CSMD1: variants seen among roughly 807,000 people sequenced by gnomAD.
The protein encoded by CSMD1 is CUB and sushi domain-containing protein 1.
Under a neutral mutation model 417.5 loss-of-function variants are expected in CSMD1, and 213 were observed. The observed-to-expected ratio is 0.51, with a 90% CI of 0.46 to 0.57. CSMD1 has a LOEUF of 0.57. Among genes scored for constraint, CSMD1 ranks in the 20% least tolerant of loss-of-function variants. The probability of loss-of-function intolerance (pLI) is 0.00; values close to 1 mark genes in which losing one functional copy is unlikely to be tolerated. For synonymous variants in CSMD1, 2,862 were observed against 1,736.8 expected, an observed-to-expected ratio of 1.65 and a Z score of -16.11; for missense variants, 6,923 against 4,529.7, an observed-to-expected ratio of 1.53 and a Z score of -15.17.
Position 4,102,453 on chromosome 8 carries a change from G to C in CSMD1, c.416-70354C>G, listed in dbSNP as rs375470612. Among the ~76,000 whole-genome samples, 233 of 152,232 alleles carry C rather than the reference G, an allele frequency of 1.5e-3. 1 individual carries two copies. The highest frequency in any genetic ancestry group is 5.5e-3 in the African/African-American group (227 of 41,542). On this transcript the variant is annotated intron_variant, in intron 3 of 69. Coordinates refer to ENST00000635120, the MANE Select transcript of CSMD1 (RefSeq NM_033225.6). ...CATAATAGATTTAAGAAAGTCCTTG[G>C]TCAGTTTCAGGCAGATATCAAATCT...
chr8:4,498,590 A>G (rs1388257560), intron 2 of CSMD1, among the ~76,000 whole-genome samples: 2 of 152,216 alleles, frequency 1.3e-5, no homozygotes, highest in African/African-American at 4.8e-5. Flanking sequence ...ATTCAATTAT[A>G]AAATAGTTCA....
intron 5 of CSMD1, among the ~76,000 whole-genome samples, chr8:3,840,065 A>G (rs929108072): frequency 2.0e-5 from 3 of 152,184 alleles, no homozygotes; most frequent in Non-Finnish European, 4.4e-5. Flanking sequence ...TTTTTAATAT[A>G]TAATAGCTCT....
At chr8:4,592,344 A>C (rs1333851103) in intron 2 of CSMD1, among the ~76,000 whole-genome samples, 1 of 151,926 alleles carries the variant, frequency 6.6e-6, no homozygotes, top group African/African-American at 2.4e-5. Flanking sequence ...AAATTGTCAC[A>C]AATATTTTAA....
intron 1 of CSMD1, among the ~76,000 whole-genome samples, chr8:4,919,161 A>G (rs538329362): frequency 2.0e-5 from 3 of 151,212 alleles, no homozygotes; most frequent in African/African-American, 7.4e-5. Context: ...TAAAATCACT[A>G]AAGTAAAATT....
chr8:4,335,053 C>T (rs369239717), intron 3 of CSMD1, among the ~76,000 whole-genome samples: 1 of 152,058 alleles, frequency 6.6e-6, no homozygotes, highest in African/African-American at 2.4e-5. Flanking sequence ...AGATGCACAC[C>T]ACCATATCTG....
At chr8:4,486,701 T>C (rs572571749) in intron 2 of CSMD1, among the ~76,000 whole-genome samples, 1 of 151,776 alleles carries the variant, frequency 6.6e-6, no homozygotes, top group South Asian at 2.1e-4. Flanking sequence ...AAAAGTGAAA[T>C]ACAAAGAAAA....
At chr8:4,509,337 A>T (rs1196154562) in intron 2 of CSMD1, among the ~76,000 whole-genome samples, 1 of 152,164 alleles carries the variant, frequency 6.6e-6, no homozygotes, top group Admixed American at 6.6e-5. Context: ...CCTCTGGAAA[A>T]ATAAAGCTTG....
intron 1 of CSMD1, among the ~76,000 whole-genome samples, chr8:4,808,823 G>A (rs1050245483): frequency 1.3e-5 from 2 of 152,224 alleles, no homozygotes; most frequent in Non-Finnish European, 2.9e-5. Flanking sequence ...TAAAGTGATA[G>A]TGCTTTCATG....
At chr8:3,909,469 G>T (rs1306577866) in intron 5 of CSMD1, among the ~76,000 whole-genome samples, 1 of 152,132 alleles carries the variant, frequency 6.6e-6, no homozygotes, top group Non-Finnish European at 1.5e-5. Flanking sequence ...TCCTGAGACA[G>T]CAGTGCGGAA....
chr8:4,716,897 C>CA (rs1217327423), intron 1 of CSMD1, among the ~76,000 whole-genome samples: 5 of 151,740 alleles, frequency 3.3e-5, no homozygotes, highest in East Asian at 1.9e-4. Context: ...GAAGATTAAG[C>CA]AAAAAAATCA....
intron 1 of CSMD1, among the ~76,000 whole-genome samples, chr8:4,825,460 G>T (rs1447715477): frequency 6.6e-6 from 1 of 152,038 alleles, no homozygotes; most frequent in East Asian, 1.9e-4. Context: ...TACTCAGTTT[G>T]CATGATTGAA....
chr8:3,842,799 G>C (rs1050167083), intron 5 of CSMD1, among the ~76,000 whole-genome samples: 1 of 152,156 alleles, frequency 6.6e-6, no homozygotes, highest in African/African-American at 2.4e-5. Flanking sequence ...TAAAAAGTTG[G>C]AATGTCAGTG....
At chr8:4,227,337 C>A (rs1356816750) in intron 3 of CSMD1, among the ~76,000 whole-genome samples, 2 of 152,262 alleles carry the variant, frequency 1.3e-5, no homozygotes, top group African/African-American at 4.8e-5. Flanking sequence ...CCACCCCTGC[C>A]TGTCCTAATA....
At chr8:3,873,299 A>C (rs898802296) in intron 5 of CSMD1, among the ~76,000 whole-genome samples, 2 of 152,198 alleles carry the variant, frequency 1.3e-5, no homozygotes, top group Non-Finnish European at 2.9e-5. Flanking sequence ...ACATGGAATC[A>C]ACCTAAATGC....
At chr8:4,892,672 T>G (rs1380021838) in intron 1 of CSMD1, among the ~76,000 whole-genome samples, 1 of 152,094 alleles carries the variant, frequency 6.6e-6, no homozygotes, top group Non-Finnish European at 1.5e-5. Flanking sequence ...ACTTATGTTT[T>G]CTATGCATTC....
intron 1 of CSMD1, among the ~76,000 whole-genome samples, chr8:4,652,741 G>A (rs1236109537): frequency 6.6e-6 from 1 of 152,090 alleles, no homozygotes; most frequent in African/African-American, 2.4e-5. Flanking sequence ...CAGTCTCCAG[G>A]CTTTTTGGCA....
chr8:4,388,508 T>A (rs1261653816), intron 3 of CSMD1, among the ~76,000 whole-genome samples: 1 of 144,730 alleles, frequency 6.9e-6, no homozygotes, highest in African/African-American at 2.6e-5. Context: ...GTTGTGAGCA[T>A]ACAAAGGGCA....
At chr8:4,574,624 TAC>T (rs1451620410) in intron 2 of CSMD1, among the ~76,000 whole-genome samples, 9 of 152,340 alleles carry the variant, frequency 5.9e-5, no homozygotes, top group African/African-American at 1.9e-4. Flanking sequence ...TGTCCATGAA[TAC>T]ATTAATGGGA....
At chr8:4,653,304 A>C (rs1804024957) in intron 1 of CSMD1, among the ~76,000 whole-genome samples, 1 of 152,146 alleles carries the variant, frequency 6.6e-6, no homozygotes, top group South Asian at 2.1e-4. Context: ...GGTGACGATC[A>C]CTAGGCGCAA....
Sources: gnomAD v4.1 joint callset for allele counts (sites outside exome capture counted in the v4.1 genomes callset) on GRCh38, gnomAD v4.1.1 for gene constraint, MANE v1.5 for transcripts, NCBI Gene and HGNC (gene_info 2026-07-23, HGNC 2026-07-21) for gene names.